LARS2: variants seen among roughly 807,000 people sequenced by gnomAD.
LARS2 encodes leucine--tRNA ligase, mitochondrial.
LARS2 carries 81 observed loss-of-function variants against 116.6 expected under a neutral mutation model. The ratio of observed to expected loss-of-function variants is 0.69; its 90% CI spans 0.58 to 0.84. The LOEUF (loss-of-function observed/expected upper bound fraction) is 0.84. LARS2 is among the 40% of genes least tolerant of loss of function. The probability of loss-of-function intolerance (pLI) is 0.00; values close to 1 mark genes in which losing one functional copy is unlikely to be tolerated. For synonymous variants in LARS2, 396 were observed against 407.2 expected, an observed-to-expected ratio of 0.97 and a Z score of 0.33; for missense variants, 968 against 1,114.5, an observed-to-expected ratio of 0.87 and a Z score of 1.87.
At chr3:45,511,796 G>A (rs1379458908) in intron 15 of LARS2, among the ~76,000 whole-genome samples, 2 of 72,164 alleles carry the variant, frequency 2.8e-5, no homozygotes, top group Non-Finnish European at 5.0e-5. Context: ...TTTTTTTTTG[G>A]AGACAGAGTC....
At chr3:45,524,243 C>G in intron 20 of LARS2, 135 bp downstream of exon 20, 2 of 609,798 alleles carry the variant, frequency 3.3e-6, no homozygotes, top group Non-Finnish European at 3.0e-6. Flanking sequence ...AGCAACCTCT[C>G]TGTCCTGTAC....
chr3:45,462,028 G>A (rs961512386), intron 8 of LARS2, among the ~76,000 whole-genome samples: 2 of 152,236 alleles, frequency 1.3e-5, no homozygotes, highest in African/African-American at 4.8e-5. Flanking sequence ...ATCGTCTTGA[G>A]TTAGTGAAGA....
At chr3:45,413,735 G>A (rs1698372303) in intron 4 of LARS2, among the ~76,000 whole-genome samples, 1 of 152,238 alleles carries the variant, frequency 6.6e-6, no homozygotes, top group Admixed American at 6.5e-5. Flanking sequence ...CATAGTGGAA[G>A]TATGCCTTTA....
At chr3:45,504,030 A>G (rs1700162538) in intron 15 of LARS2, among the ~76,000 whole-genome samples, 1 of 152,052 alleles carries the variant, frequency 6.6e-6, no homozygotes, top group Admixed American at 6.6e-5. Flanking sequence ...TCTTTGACCT[A>G]ATAATGTAGC....
At chr3:45,414,336 G>A (rs534283749) in intron 4 of LARS2, among the ~76,000 whole-genome samples, 34 of 152,032 alleles carry the variant, frequency 2.2e-4, no homozygotes, top group African/African-American at 7.7e-4. Context: ...CATGTAACTG[G>A]TACGTATGGC....
intron 7 of LARS2, among the ~76,000 whole-genome samples, chr3:45,454,488 T>C (rs1699183677): frequency 6.6e-6 from 1 of 152,170 alleles, no homozygotes; most frequent in African/African-American, 2.4e-5. Context: ...CAGATAACTA[T>C]TGTGAGGGAA....
intron 19 of LARS2, among the ~76,000 whole-genome samples, chr3:45,521,555 T>C (rs1700455979): frequency 6.6e-6 from 1 of 152,186 alleles, no homozygotes; most frequent in South Asian, 2.1e-4. Flanking sequence ...TAAAAAAATT[T>C]ATAACATGTC....
At chr3:45,516,315 A>G in intron 17 of LARS2, 39 bp downstream of exon 17, 1 of 1,587,956 alleles carries the variant, frequency 6.3e-7, no homozygotes, top group Non-Finnish European at 8.6e-7. Context: ...TTCCTTTGTG[A>G]TCTGCCCTGG....
rs569438169 is a variant in LARS2, at chr3:45,414,476, C to T, written c.364-3006C>T. Among the ~76,000 whole-genome samples, 5 of 152,122 alleles carry T rather than the reference C, an allele frequency of 3.3e-5. No individual in the cohort carries two copies. In the East Asian group the frequency reaches 7.7e-4, roughly 23 times the overall value. On this transcript the variant is annotated intron_variant, in intron 4 of 21. Coordinates refer to ENST00000645846, the MANE Select transcript of LARS2 (RefSeq NM_015340.4). ...GTTGAAAATGTCCCATTCTGATATG[C>T]GTGTGTGGTGAGGTGGTGCCAGTAA...
At chr3:45,508,214 G>C (rs1401056716) in intron 15 of LARS2, among the ~76,000 whole-genome samples, 1 of 152,018 alleles carries the variant, frequency 6.6e-6, no homozygotes, top group Non-Finnish European at 1.5e-5. Context: ...GCTGCTCAGG[G>C]AGCTCCCATG....
chr3:45,444,766 T>A (rs1327425992), intron 6 of LARS2, among the ~76,000 whole-genome samples: 2 of 150,730 alleles, frequency 1.3e-5, no homozygotes, highest in Non-Finnish European at 3.0e-5. Context: ...AACACATATT[T>A]GTATATTTTA....
intron 4 of LARS2, among the ~76,000 whole-genome samples, chr3:45,415,893 G>GGA (rs71095034): frequency 0.022 from 1,505 of 69,714 alleles, 26 homozygotes; most frequent in East Asian, 0.11. Context: ...AGAGAGAGAG[G>GGA]GAGAGAGAGA....
intron 6 of LARS2, among the ~76,000 whole-genome samples, chr3:45,422,950 G>T (rs1310532304): frequency 6.6e-6 from 1 of 152,134 alleles, no homozygotes; most frequent in Non-Finnish European, 1.5e-5. Flanking sequence ...GTATTTATTT[G>T]CATAACTCGT....
Position 45,446,998 on chromosome 3 carries a change from G to A in LARS2, c.606+18G>A. The stretch of plus-strand genomic sequence containing the variant: ...AAAAGGAGGTAAGTTAAAATTAGCT[G>A]GACTTTTAAAATTCAGTGAATCTCT... On this transcript the variant is annotated intron_variant, in intron 7 of 21. Coordinates refer to ENST00000645846, the MANE Select transcript of LARS2 (RefSeq NM_015340.4). 7.0e-7 allele frequency: 1 copy of A among 1,424,750 alleles called. No individual in the cohort carries two copies. The highest frequency in any genetic ancestry group is 9.8e-7 in the Non-Finnish European group (1 of 1,017,220). 88.3% of individuals were successfully genotyped at this position (1,424,750 alleles called of 1,614,324 possible).
At chr3:45,498,353 A>G (rs553701974) in intron 14 of LARS2, among the ~76,000 whole-genome samples, 2 of 152,186 alleles carry the variant, frequency 1.3e-5, no homozygotes, top group African/African-American at 4.8e-5. Flanking sequence ...GCTACTTTCA[A>G]CATTTCACTC....
At chr3:45,401,493 A>C (rs1698148000) in intron 4 of LARS2, among the ~76,000 whole-genome samples, 1 of 152,002 alleles carries the variant, frequency 6.6e-6, no homozygotes, top group African/African-American at 2.4e-5. Flanking sequence ...ACAGAGTGAG[A>C]CACTATCTTA....
At chr3:45,517,200 C>G (rs1008962352) in intron 17 of LARS2, among the ~76,000 whole-genome samples, 10 of 152,302 alleles carry the variant, frequency 6.6e-5, no homozygotes, top group African/African-American at 2.4e-4. Context: ...ACCCAGGGGA[C>G]AGGCTCCAGG....
intron 21 of LARS2, among the ~76,000 whole-genome samples, chr3:45,542,810 A>T (rs77884221): frequency 1.4e-3 from 219 of 152,360 alleles, no homozygotes; most frequent in African/African-American, 5.0e-3. Flanking sequence ...TGCTCTGGGG[A>T]TACAAAATCA....
intron 20 of LARS2, among the ~76,000 whole-genome samples, chr3:45,533,706 C>A (rs1700656712): frequency 6.6e-6 from 1 of 152,152 alleles, no homozygotes; most frequent in Non-Finnish European, 1.5e-5. Flanking sequence ...GTCAGAGGAT[C>A]TACTCTGTCT....
Sources: gnomAD v4.1 joint callset for allele counts (sites outside exome capture counted in the v4.1 genomes callset) on GRCh38, gnomAD v4.1.1 for gene constraint, MANE v1.5 for transcripts, NCBI Gene and HGNC (gene_info 2026-07-23, HGNC 2026-07-21) for gene names.